Variants in RET observed in about 807,000 individuals in gnomAD.
RET encodes ret proto-oncogene.
In RET, 19 loss-of-function variants were observed where a neutral mutation model predicts 118.3. That is an observed-to-expected ratio of 0.16 (90% confidence interval 0.11 to 0.24). The LOEUF is 0.24. RET is among the 10% of genes least tolerant of loss of function. The pLI is 1.00. For missense variants in RET, 1,219 were observed against 1,502.1 expected (o/e 0.81, Z 3.12); for synonymous variants, 597 against 644.1 (o/e 0.93, Z 1.11).
rs368741288 is a variant in RET at position 43,106,592 on chromosome 10, G to A, written c.1063+21G>A. 7.5e-6 allele frequency: 12 copies of A among 1,609,008 alleles called. No individual in the cohort carries two copies. In the African/African-American group the frequency reaches 8.0e-5, roughly 11 times the overall value. ...CTATAGTAAGAGGGGCTGGTGGCACGGCCTGGCTAGGCCCCCAGGAAATGA... is the reference window on the plus strand; with the variant it reads ...CTATAGTAAGAGGGGCTGGTGGCACAGCCTGGCTAGGCCCCCAGGAAATGA... On this transcript the variant is annotated intron_variant, in intron 5 of 19. Coordinates refer to ENST00000355710, the MANE Select transcript of RET (RefSeq NM_020975.6). The surrounding 1 kb of genome is among the most constrained non-coding windows in gnomAD (Gnocchi z 5.1).
rs111530936 is a variant in RET at position 43,127,358 on chromosome 10, C to T, written c.3187+636C>T. 89 of 1,065,164 alleles carry T rather than the reference C, an allele frequency of 8.4e-5. 5 individuals are homozygous for T. Among genetic ancestry groups the T allele is most frequent in the African/African-American group, 8.2e-4 (50 of 60,834 alleles). 66.0% of individuals were successfully genotyped at this position (1,065,164 alleles called of 1,614,324 possible). A position where few individuals can be genotyped will look rare whatever the true frequency, so the allele number is the denominator to read the frequency against. On this transcript the variant is annotated intron_variant, in intron 19 of 19. Transcript: ENST00000355710. ...TCCTTTCCCTTACCCACCTTCAGGA[C>T]GGTTGTCACTTATGAAGTCAGTGCT...
chr10:43,093,855 C>T (rs1265051722), intron 1 of RET, among the ~76,000 whole-genome samples: 8 of 151,886 alleles, frequency 5.3e-5, no homozygotes, highest in African/African-American at 4.8e-5. Flanking sequence ...CCATGAATGA[C>T]GTCAAAAAAT....
chr10:43,085,135 G>A (rs1300718338), intron 1 of RET, among the ~76,000 whole-genome samples: 1 of 152,194 alleles, frequency 6.6e-6, no homozygotes, highest in Non-Finnish European at 1.5e-5. Flanking sequence ...GTGGCAGGCA[G>A]CCTCTGTGGG....
rs1838016447 is a variant in RET at position 43,114,475 on chromosome 10, C to T, written c.1880-5C>T. 3 of 1,605,978 alleles carry T rather than the reference C, an allele frequency of 1.9e-6. No homozygotes were observed. The highest frequency in any genetic ancestry group is 2.5e-6 in the Non-Finnish European group (3 of 1,179,966). On this transcript the variant is annotated splice_region_variant and splice_polypyrimidine_tract_variant and intron_variant, in intron 10 of 19. Coordinates refer to ENST00000355710, the MANE Select transcript of RET (RefSeq NM_020975.6). This position sits in a 1 kb window ranked among gnomAD's most constrained non-coding sequence, Gnocchi z 4.6. ...TGCCAAGCCTCACACCACCCCCACC[C>T]ACAGATCCACTGTGCGACGAGCTGT...
rs766136271 is a variant in RET at position 43,104,999 on chromosome 10, A to C, written c.673A>C (p.Thr225Pro). Residue 225 changes from threonine (T) to proline (P), a missense_variant, in exon 4 of 20, where the codon ACG becomes CCG. Coordinates refer to ENST00000355710, the MANE Select transcript of RET (RefSeq NM_020975.6). ...CGCCCCGGACAGCCTGGAGGTGAGCACGCGCTGGGCCCTGGACCGCGAGCA... is the reference window on the plus strand; with the variant it reads ...CGCCCCGGACAGCCTGGAGGTGAGCCCGCGCTGGGCCCTGGACCGCGAGCA... ...RCAPDSLEVS[T>P]RWALDREQRE... 1.9e-6 allele frequency: 3 copies of C among 1,589,544 alleles called. No individual in the cohort carries two copies. Among genetic ancestry groups the C allele is most frequent in the Non-Finnish European group, 2.6e-6 (3 of 1,174,166 alleles).
At chr10:43,099,781 T>G (rs754463357) in intron 1 of RET, among the ~76,000 whole-genome samples, 6 of 152,216 alleles carry the variant, frequency 3.9e-5, no homozygotes, top group Admixed American at 1.3e-4. Flanking sequence ...ATGTGCGCTC[T>G]TCTCTGCCTG....
At chr10:43,127,287 G>A (rs1356884821) in intron 19 of RET, 5 of 1,069,546 alleles carry the variant, frequency 4.7e-6, no homozygotes, top group Non-Finnish European at 5.7e-6. Context: ...GAGGTTGCAG[G>A]AGCTGGCTGG....
Position 43,129,802 on chromosome 10 carries a change from A to C in RET, c.*1533A>C. 8 of 388,268 alleles carry C rather than the reference A, an allele frequency of 2.1e-5. No individual in the cohort carries two copies. The highest frequency in any genetic ancestry group is 1.8e-5 in the Non-Finnish European group (4 of 220,966). The allele number at this position is 388,268 out of a possible 1,614,324, so 24.1% of individuals were successfully genotyped here. A position where few individuals can be genotyped will look rare whatever the true frequency, so the allele number is the denominator to read the frequency against. Reference sequence around the variant, plus strand: ...GGTGTGTGCGCACACACCCAGAGGGAGAGTTTGAAAAATGCTTATTGGACA... The same window carrying C: ...GGTGTGTGCGCACACACCCAGAGGGCGAGTTTGAAAAATGCTTATTGGACA... On this transcript the variant is annotated 3_prime_UTR_variant, in exon 20 of 20. Coordinates refer to ENST00000355710, the MANE Select transcript of RET (RefSeq NM_020975.6).
Position 43,126,720 on chromosome 10 carries a change from A to G in RET, c.3185A>G (p.Tyr1062Cys), listed in dbSNP as rs587778659. The stretch of plus-strand genomic sequence containing the variant: ...TCCACATGGATTGAAAACAAACTCT[A>G]TGGTAGAATTTCCCATGCATTTACT... The part of the protein sequence containing the change: ...LPSTWIENKL[Y>C]GMSDPNWPGE... Residue 1062 changes from tyrosine (Y) to cysteine (C), a missense_variant and splice_region_variant, in exon 19 of 20, where the codon TAT becomes TGT. This residue lies in a region of RET where 174 missense variants were observed against 179.3 expected (regional missense o/e 0.97). Coordinates refer to ENST00000355710, the MANE Select transcript of RET (RefSeq NM_020975.6). The G allele has an allele frequency of 2.2e-5, 35 of 1,613,712 alleles. No individual in the cohort carries two copies. Among genetic ancestry groups the G allele is most frequent in the African/African-American group, 2.7e-5 (2 of 74,870 alleles).
chr10:43,118,993 T>C (rs567723272), intron 13 of RET, among the ~76,000 whole-genome samples: 1 of 152,316 alleles, frequency 6.6e-6, no homozygotes, highest in African/African-American at 2.4e-5. Context: ...CTTCCCAGCA[T>C]GCGTGTGTGG....
In RET at chr10:43,106,667, G is replaced by T; in HGVS notation, c.1063+96G>T. ...AGCACCCTACACACATGCACACCTG[G>T]CATGGCCCTCTGTGGCCCAAGCCAC... On this transcript the variant is annotated intron_variant, in intron 5 of 19. Transcript: ENST00000355710. The surrounding 1 kb of genome is among the most constrained non-coding windows in gnomAD (Gnocchi z 5.1). 7.6e-7 allele frequency: 1 copy of T among 1,312,304 alleles called. No individual in the cohort carries two copies. The allele number at this position is 1,312,304 out of a possible 1,614,324, so 81.3% of individuals were successfully genotyped here. A position where few individuals can be genotyped will look rare whatever the true frequency, so the allele number is the denominator to read the frequency against.
intron 1 of RET, among the ~76,000 whole-genome samples, chr10:43,085,835 C>T (rs1837277980): frequency 6.6e-6 from 1 of 152,194 alleles, no homozygotes; most frequent in East Asian, 1.9e-4. Flanking sequence ...ATAACAGCAT[C>T]CAGATGCAGG....
intron 1 of RET, among the ~76,000 whole-genome samples, chr10:43,081,766 A>G (rs1004285800): frequency 1.6e-4 from 25 of 152,258 alleles, no homozygotes; most frequent in African/African-American, 5.5e-4. Flanking sequence ...GGCCCACCAG[A>G]GCCCCTCTGG....
chr10:43,087,737 C>T (rs772189714), intron 1 of RET, among the ~76,000 whole-genome samples: 10 of 152,268 alleles, frequency 6.6e-5, no homozygotes, highest in Middle Eastern at 6.8e-3. Flanking sequence ...AATACAACAG[C>T]GGGCAGGATG....
intron 1 of RET, among the ~76,000 whole-genome samples, chr10:43,098,327 C>T (rs1159672463): frequency 2.0e-5 from 3 of 151,898 alleles, no homozygotes; most frequent in African/African-American, 7.3e-5. Context: ...TAAGTGGAAT[C>T]GTGCAGTGTT....
rs766962871 is a variant in RET, at chr10:43,114,526, C to G, written c.1926C>G (p.Val642=). ...ELCRTVIAAA[V]LFSFIVSVLL... is the part of the protein sequence containing the mutation. ...GCCGCACGGTGATCGCAGCCGCTGT[C>G]CTCTTCTCCTTCATCGTCTCGGTGC... The change falls in exon 11 of 20, where the codon GTC becomes GTG. Residue 642 remains valine (V), a synonymous_variant. Coordinates refer to ENST00000355710, the MANE Select transcript of RET (RefSeq NM_020975.6). The surrounding 1 kb of genome is among the most constrained non-coding windows in gnomAD (Gnocchi z 4.6). The G allele has an allele frequency of 8.7e-6, 14 of 1,609,754 alleles. No homozygotes were observed. The East Asian group carries it at 8.9e-5, about 10-fold the overall frequency.
chr10:43,126,677 C>G lies in RET; in HGVS notation c.3142C>G (p.Leu1048Val), dbSNP rs774347808. ...TPLVDCNNAPLPRALPSTWIE... is the reference protein window; with the variant it reads ...TPLVDCNNAPVPRALPSTWIE... ...GCTGGTGGACTGTAATAATGCCCCC[C>G]TCCCTCGAGCCCTCCCTTCCACATG... The change falls in exon 19 of 20, where the codon CTC becomes GTC. Residue 1048 changes from leucine to valine, a missense_variant. This residue lies in a region of RET where 174 missense variants were observed against 179.3 expected (regional missense o/e 0.97). Coordinates refer to ENST00000355710, the MANE Select transcript of RET (RefSeq NM_020975.6). The G allele has an allele frequency of 9.3e-6, 15 of 1,613,978 alleles. No homozygotes were observed. The Middle Eastern group carries it at 4.9e-4, about 53-fold the overall frequency.
intron 1 of RET, among the ~76,000 whole-genome samples, chr10:43,088,718 T>C (rs1837347931): frequency 6.6e-6 from 1 of 152,086 alleles, no homozygotes; most frequent in Admixed American, 6.5e-5. Context: ...CCAGGCTCAT[T>C]ACCACTGCAA....
chr10:43,093,442 A>G (rs1837450834), intron 1 of RET, among the ~76,000 whole-genome samples: 1 of 152,126 alleles, frequency 6.6e-6, no homozygotes, highest in Non-Finnish European at 1.5e-5. Flanking sequence ...ATTTGGGGTG[A>G]GGAGGGGCCA....
Sources: gnomAD v4.1 joint callset for allele counts (sites outside exome capture counted in the v4.1 genomes callset) on GRCh38, gnomAD v4.1.1 for gene constraint, gnomAD v4.1.1 regional missense constraint, Gnocchi (gnomAD v3.1) non-coding constraint, MANE v1.5 for transcripts, NCBI Gene and HGNC (gene_info 2026-07-23, HGNC 2026-07-21) for gene names.